The following MFSD1 variants were observed in gnomAD, a reference collection of about 807,000 sequenced individuals.
MFSD1 encodes the protein lysosomal dipeptide transporter MFSD1.
In MFSD1, 59 loss-of-function variants were observed where a neutral mutation model predicts 67.1. The ratio of observed to expected loss-of-function variants is 0.88; its 90% confidence interval spans 0.71 to 1.09. The LOEUF is 1.09. MFSD1 is among the 50% of genes least tolerant of loss of function. The pLI is 0.00. For synonymous variants in MFSD1, 213 were observed against 200.3 expected (o/e 1.06, Z -0.54); for missense variants, 552 against 566.1 (o/e 0.97, Z 0.25).
intron 15 of MFSD1, among the ~76,000 whole-genome samples, chr3:158,828,724 T>C: frequency 6.6e-6 from 1 of 152,278 alleles, no homozygotes; most frequent in East Asian, 1.9e-4. Flanking sequence ...ATAGAAAATA[T>C]ACTACTAGAA....
chr3:158,826,076 C>G lies in MFSD1; in HGVS notation c.1336+14C>G, dbSNP rs1233998550. ...ATCGTGCCCAGGGTAAGTAGAAGAT[C>G]TGATATTTGCTTCTTAAACCGCAGT... On this transcript the variant is annotated intron_variant, in intron 14 of 15. Coordinates refer to ENST00000415822, the MANE Select transcript of MFSD1 (RefSeq NM_022736.4). The G allele has an allele frequency of 6.2e-7, 1 of 1,611,490 alleles. No individual in the cohort carries two copies. Among genetic ancestry groups the G allele is most frequent in the Non-Finnish European group, 8.5e-7 (1 of 1,177,870 alleles).
Position 158,822,026 on chromosome 3 carries a change from G to T in MFSD1, c.963G>T (p.Gly321=). The part of the protein sequence containing the change: ...VISAPMSPVF[G]LLVDKTGKNI... ...CAGCTCCCATGTCCCCGGTGTTTGG[G>T]CTCCTGGTGGATAAAACAGGGAAGA... The change falls in exon 11 of 16, where the codon GGG becomes GGT. Residue 321 remains glycine (G), a synonymous_variant. Transcript: ENST00000415822. The T allele has an allele frequency of 1.2e-6, 2 of 1,613,876 alleles. No homozygotes were observed. Among genetic ancestry groups the T allele is most frequent in the Non-Finnish European group, 1.7e-6 (2 of 1,179,840 alleles).
chr3:158,818,918 G>A (rs1300577657), intron 7 of MFSD1, among the ~76,000 whole-genome samples: 2 of 152,176 alleles, frequency 1.3e-5, no homozygotes, highest in Non-Finnish European at 2.9e-5. Context: ...GAGAGCTTGT[G>A]TTCCATGTCC....
In MFSD1 at chr3:158,802,072, T is replaced by G. The variant is rs114521086; in HGVS notation, c.-81T>G. 3,401 of 1,563,398 alleles carry G rather than the reference T, an allele frequency of 2.2e-3. 77 individuals are homozygous for G. In the African/African-American group the frequency reaches 0.038, roughly 18 times the overall value. On this transcript the variant is annotated 5_prime_UTR_variant, in exon 1 of 16. Coordinates refer to ENST00000415822, the MANE Select transcript of MFSD1 (RefSeq NM_022736.4). ...CTCCCGGAGTCATGTGACCGCCGTC[T>G]TGACAGTGTTCCACGGGCGCTGCTT...
chr3:158,804,847 T>C (rs1729646642), intron 2 of MFSD1, among the ~76,000 whole-genome samples: 1 of 152,210 alleles, frequency 6.6e-6, no homozygotes, highest in African/African-American at 2.4e-5. Flanking sequence ...TTACAGTTTT[T>C]TGGGTATTTA....
Position 158,823,444 on chromosome 3 carries a change from C to A in MFSD1, c.1094C>A (p.Ser365Tyr). 1.2e-6 allele frequency: 2 copies of A among 1,613,240 alleles called. No homozygotes were observed. The highest frequency in any genetic ancestry group is 1.7e-6 in the Non-Finnish European group (2 of 1,179,222). Residue 365 changes from serine (S) to tyrosine (Y), a missense_variant, in exon 12 of 16, where the codon TCC (serine) becomes TAC (tyrosine). Transcript: ENST00000415822. ...TTTCTGTAGTGTCTTCTGGGACTCT[C>A]CTACTCATTGCTTGCCTGTGCATTG... ...PWIAMCLLGL[S>Y]YSLLACALWP...
chr3:158,819,618 CTG>C, intron 7 of MFSD1, 29 bp from the exon 8 acceptor site: 1 of 1,212,628 alleles, frequency 8.2e-7, no homozygotes, highest in East Asian at 2.6e-5. Context: ...TTTTCAAAGT[CTG>C]TTTTTCTTTT....
At chr3:158,824,952 G>A (rs1228924169) in intron 13 of MFSD1, among the ~76,000 whole-genome samples, 1 of 152,108 alleles carries the variant, frequency 6.6e-6, no homozygotes, top group Non-Finnish European at 1.5e-5. Context: ...AAACGTGCTT[G>A]TTTTAGAAAC....
intron 7 of MFSD1, among the ~76,000 whole-genome samples, chr3:158,819,096 G>A (rs1179977425): frequency 6.6e-6 from 1 of 152,176 alleles, no homozygotes; most frequent in Admixed American, 6.5e-5. Flanking sequence ...CTGATTTTCT[G>A]TAGTGATATG....
chr3:158,824,631 T>C (rs1730863280), intron 13 of MFSD1, among the ~76,000 whole-genome samples: 1 of 152,210 alleles, frequency 6.6e-6, no homozygotes, highest in South Asian at 2.1e-4. Context: ...AATTTAGTTT[T>C]TACCTGTAAT....
At chr3:158,804,424 C>A in intron 2 of MFSD1, 53 bp downstream of exon 2, 2 of 1,461,098 alleles carry the variant, frequency 1.4e-6, no homozygotes. Context: ...GCAAGTGTAG[C>A]GGTGGAGGCA....
At chr3:158,802,525 G>A in intron 1 of MFSD1, 1 of 731,870 alleles carries the variant, frequency 1.4e-6, no homozygotes, top group Non-Finnish European at 2.4e-6. Flanking sequence ...TGGAGGTCGA[G>A]GGACTGAGCT....
Position 158,809,030 on chromosome 3 carries a change from G to T in MFSD1, c.441-149G>T. On this transcript the variant is annotated intron_variant, in intron 5 of 15. Coordinates refer to ENST00000415822, the MANE Select transcript of MFSD1 (RefSeq NM_022736.4). ...CCACCATATTCTATTGGTTGAAGTA[G>T]TCACAAGCCCACCTGGATTCAAGGG... The T allele has an allele frequency of 7.4e-6, 4 of 541,210 alleles. No individual in the cohort carries two copies. The South Asian group carries it at 1.1e-4, about 15-fold the overall frequency. The allele number at this position is 541,210 out of a possible 1,614,324, so 33.5% of individuals were successfully genotyped here.
Position 158,829,071 on chromosome 3 carries a change from A to G in MFSD1, c.*89A>G. The G allele has an allele frequency of 1.6e-6, 2 of 1,272,772 alleles. No individual in the cohort carries two copies. The highest frequency in any genetic ancestry group is 2.2e-6 in the Non-Finnish European group (2 of 910,844). The allele number at this position is 1,272,772 out of a possible 1,614,324, so 78.8% of individuals were successfully genotyped here. A position where few individuals can be genotyped will look rare whatever the true frequency, so the allele number is the denominator to read the frequency against. ...TTTAAAAATTTAGAGTTTAGTCATT[A>G]GAAAAAATAATGGACTGGAAAGTTA... On this transcript the variant is annotated 3_prime_UTR_variant, in exon 16 of 16. Transcript: ENST00000415822.
At position 158,802,135 on chromosome 3, in the gene MFSD1, C is replaced by G; in HGVS notation, c.-18C>G. ...TGGAGTTGTCACCACTTTCCCCTCT[C>G]CGTCTCCTGCGGGCGCAATGGAGGA... On this transcript the variant is annotated 5_prime_UTR_variant, in exon 1 of 16. Transcript: ENST00000415822. 1.2e-6 allele frequency: 2 copies of G among 1,611,606 alleles called. No individual in the cohort carries two copies. Among genetic ancestry groups the G allele is most frequent in the Non-Finnish European group, 1.7e-6 (2 of 1,179,454 alleles).
chr3:158,807,111 A>T, intron 4 of MFSD1, 29 bp downstream of exon 4: 1 of 1,584,814 alleles, frequency 6.3e-7, no homozygotes, highest in East Asian at 2.2e-5. Context: ...TTCATTGATT[A>T]TTGACAGTGA....
chr3:158,824,204 T>G lies in MFSD1; in HGVS notation c.1256T>G (p.Phe419Cys). 2 of 1,612,948 alleles carry G rather than the reference T, an allele frequency of 1.2e-6. No homozygotes were observed. Among genetic ancestry groups the G allele is most frequent in the South Asian group, 2.2e-5 (2 of 91,038 alleles). ...ATACTGGATTCTCGGGGGTATTTGT[T>G]TTTGGAAGTGTTCTTCATTGCCTGT... ...GMILDSRGYLFLEVFFIACVS... is the reference protein window; with the variant it reads ...GMILDSRGYLCLEVFFIACVS... Residue 419 changes from phenylalanine (F) to cysteine (C), a missense_variant, in exon 13 of 16, where the codon TTT (phenylalanine) becomes TGT (cysteine). Transcript: ENST00000415822.
At chr3:158,826,271 G>C (rs1294868013) in intron 14 of MFSD1, among the ~76,000 whole-genome samples, 1 of 151,988 alleles carries the variant, frequency 6.6e-6, no homozygotes, top group Non-Finnish European at 1.5e-5. Flanking sequence ...TTAAAATCTA[G>C]CCAGATGAGT....
Position 158,824,235 on chromosome 3 carries a change from TTG to T in MFSD1, c.1288+2_1288+3del. The T allele has an allele frequency of 6.3e-7, 1 of 1,588,856 alleles. No individual in the cohort carries two copies. The highest frequency in any genetic ancestry group is 8.6e-7 in the Non-Finnish European group (1 of 1,159,490). ...AAGTGTTCTTCATTGCCTGTGTTTC[TTG>T]TGAGTATTCCGTATGACAACATTTT... is the stretch of plus-strand genomic sequence containing the variant. On this transcript the variant is annotated splice_donor_variant and coding_sequence_variant, in exon 13 of 16. Coordinates refer to ENST00000415822, the MANE Select transcript of MFSD1 (RefSeq NM_022736.4). LOFTEE classifies it high-confidence loss of function.
Sources: allele counts gnomAD v4.1 joint callset (sites outside exome capture counted in the v4.1 genomes callset), GRCh38; gene constraint gnomAD v4.1.1; transcripts MANE v1.5; gene names NCBI Gene and HGNC (gene_info 2026-07-23, HGNC 2026-07-21).